Variants in SLC9A6 observed in about 807,000 individuals in gnomAD.
The protein encoded by SLC9A6 is solute carrier family 9 member A6.
Under a neutral mutation model 45.3 loss-of-function variants are expected in SLC9A6, and 6 were observed. The ratio of observed to expected loss-of-function variants is 0.13; its 90% CI spans 0.07 to 0.26. The LOEUF (loss-of-function observed/expected upper bound fraction) is 0.26. Among genes scored for constraint, SLC9A6 ranks in the 10% least tolerant of loss-of-function variants. The pLI is 1.00. For synonymous variants in SLC9A6, 191 were observed against 187.7 expected (o/e 1.02, Z -0.14); for missense variants, 278 against 503.7 (o/e 0.55, Z 4.29).
chrX:136,005,019 C>G (rs1302652082), intron 7 of SLC9A6, among the ~76,000 whole-genome samples: 2 of 112,016 alleles, frequency 1.8e-5, no homozygotes, highest in African/African-American at 6.5e-5. Context: ...GCATCGATTC[C>G]CTATCCTAGA....
At chrX:136,027,050 C>G (rs2071240836) in intron 13 of SLC9A6, among the ~76,000 whole-genome samples, 1 of 111,648 alleles carries the variant, frequency 9.0e-6, no homozygotes, top group African/African-American at 3.3e-5. Context: ...GTCAGTAATG[C>G]TAGGGTTAAG....
chrX:136,020,438 G>A (rs6635212), intron 11 of SLC9A6, among the ~76,000 whole-genome samples: 8,198 of 110,895 alleles, frequency 0.074, 335 homozygotes, highest in African/African-American at 0.16. Context: ...TGCAACCTCC[G>A]CCTCCCGGGT....
chrX:136,028,120 C>T (rs782632716), intron 13 of SLC9A6, among the ~76,000 whole-genome samples: 1 of 112,323 alleles, frequency 8.9e-6, no homozygotes, highest in East Asian at 2.8e-4. Flanking sequence ...CATTGTAGCA[C>T]TTATTTTATT....
intron 9 of SLC9A6, 92 bp from the exon 10 acceptor site, chrX:136,013,257 A>G: frequency 1.6e-5 from 13 of 814,682 alleles, no homozygotes; most frequent in Non-Finnish European, 2.2e-5. Context: ...GAATTTCCAG[A>G]CAAAGCCTAT....
chrX:135,987,256 A>G (rs1219408889), intron 2 of SLC9A6, among the ~76,000 whole-genome samples: 1 of 112,360 alleles, frequency 8.9e-6, no homozygotes, highest in Non-Finnish European at 1.9e-5. Flanking sequence ...CAAATTGGCC[A>G]GATAAGCTAT....
rs2071565905 is a variant in SLC9A6 at position 136,044,553 on chromosome X, A to T, written c.1869A>T (p.Thr623=). ...GDSTVNTEPA[T]SSAPRRFMGN... ...CTACTGTGAACACTGAACCGGCCAC[A>T]TCCAGCGCCCCAAGGAGATTTATGG... is the stretch of plus-strand genomic sequence containing the variant. Residue 623 remains threonine, a synonymous_variant, in exon 18 of 18, where the codon ACA becomes ACT. Coordinates refer to ENST00000630721, the MANE Select transcript of SLC9A6 (RefSeq NM_001379110.1). The T allele has an allele frequency of 8.3e-7, 1 of 1,211,412 alleles. No homozygotes were observed. Among genetic ancestry groups the T allele is most frequent in the Admixed American group, 2.2e-5 (1 of 46,017 alleles).
intron 17 of SLC9A6, among the ~76,000 whole-genome samples, chrX:136,041,423 G>A (rs906188419): frequency 2.7e-5 from 3 of 111,757 alleles, no homozygotes; most frequent in African/African-American, 9.8e-5. Flanking sequence ...AGCATCCTAC[G>A]GCTTTGTGTT....
At chrX:135,982,178 G>T (rs782670649), upstream of SLC9A6, among the ~76,000 whole-genome samples, 2 of 111,240 alleles carry the variant, frequency 1.8e-5, no homozygotes, top group Admixed American at 9.5e-5. Flanking sequence ...TCTGATTTTT[G>T]ATAATCCCTG....
chrX:136,021,686 C>G (rs2148185881), intron 11 of SLC9A6, among the ~76,000 whole-genome samples: 1 of 111,549 alleles, frequency 9.0e-6, no homozygotes, highest in East Asian at 2.8e-4. Flanking sequence ...ACCACCACAC[C>G]CGGCTCATTT....
At chrX:136,032,843 T>C (rs782065988) in intron 15 of SLC9A6, among the ~76,000 whole-genome samples, 3 of 112,552 alleles carry the variant, frequency 2.7e-5, no homozygotes, top group Non-Finnish European at 5.6e-5. Context: ...TCAGGTTCAG[T>C]ACATGAATTA....
At chrX:136,012,200 C>T (rs2070937513) in intron 8 of SLC9A6, among the ~76,000 whole-genome samples, 1 of 113,225 alleles carries the variant, frequency 8.8e-6, no homozygotes, top group Admixed American at 9.3e-5. Flanking sequence ...TATACTTCAG[C>T]CTTGTGCTGG....
At chrX:135,985,427 T>C, upstream of SLC9A6, 1 of 752,042 alleles carries the variant, frequency 1.3e-6, no homozygotes, top group Non-Finnish European at 1.7e-6. Flanking sequence ...GCCCCGCCCC[T>C]TTCCCGTGAG....
At chrX:136,018,652 C>G (rs782453496) in intron 11 of SLC9A6, among the ~76,000 whole-genome samples, 1 of 111,684 alleles carries the variant, frequency 9.0e-6, no homozygotes, top group South Asian at 3.8e-4. Flanking sequence ...GAGGAATGAT[C>G]AGAGTGGGAT....
intron 16 of SLC9A6, among the ~76,000 whole-genome samples, chrX:136,034,213 G>T (rs1312686030): frequency 2.7e-5 from 3 of 110,819 alleles, no homozygotes; most frequent in East Asian, 2.8e-4. Context: ...TACCACCTGA[G>T]CTCCGCCTCC....
chrX:135,993,589 G>C (rs148915608), intron 2 of SLC9A6, among the ~76,000 whole-genome samples: 1 of 111,260 alleles, frequency 9.0e-6, no homozygotes, highest in Non-Finnish European at 1.9e-5. Flanking sequence ...TTCGACCTTG[G>C]TCAGGAGCCT....
At chrX:136,038,153 G>A (rs910319354) in intron 16 of SLC9A6, among the ~76,000 whole-genome samples, 1 of 111,293 alleles carries the variant, frequency 9.0e-6, no homozygotes, top group African/African-American at 3.3e-5. Flanking sequence ...CATTAAGTAC[G>A]ATGTTAGCTA....
chrX:135,981,280 A>G (rs1371491182), upstream of SLC9A6, among the ~76,000 whole-genome samples: 1 of 111,534 alleles, frequency 9.0e-6, no homozygotes, highest in Non-Finnish European at 1.9e-5. Flanking sequence ...AGCAGGAAAC[A>G]AAAAGCGAGG....
chrX:135,980,124 C>T (rs2089279917), intron 1 of SLC9A6, among the ~76,000 whole-genome samples: 2 of 111,356 alleles, frequency 1.8e-5, no homozygotes, highest in African/African-American at 3.3e-5. Context: ...GGTTTTTGAC[C>T]AGGAAAATGA....
intron 12 of SLC9A6, among the ~76,000 whole-genome samples, chrX:136,023,644 G>A (rs1466983804): frequency 9.1e-6 from 1 of 110,088 alleles, no homozygotes; most frequent in Middle Eastern, 4.3e-3. Flanking sequence ...GTTTGATGGA[G>A]TGACAAGAGG....
Sources: gnomAD v4.1 joint callset for allele counts (sites outside exome capture counted in the v4.1 genomes callset) on GRCh38, gnomAD v4.1.1 for gene constraint, MANE v1.5 for transcripts, NCBI Gene and HGNC (gene_info 2026-07-23, HGNC 2026-07-21) for gene names.